The following FRMD4A variants were observed in gnomAD, a reference collection of about 807,000 sequenced individuals.
FRMD4A encodes FERM domain-containing protein 4A.
A neutral mutation model predicts 129.1 loss-of-function variants in FRMD4A; 29 were observed. The observed-to-expected ratio is 0.22, with a 90% CI of 0.17 to 0.31. The LOEUF is 0.31. Ranked by LOEUF, FRMD4A falls within the 10% of genes least tolerant of loss-of-function variation. FRMD4A has a pLI of 1.00. For synonymous variants in FRMD4A, 634 were observed against 571.6 expected (o/e 1.11, Z -1.56); for missense variants, 1,272 against 1,375.8 (o/e 0.92, Z 1.19).
chr10:13,891,657 A>G lies in FRMD4A; in HGVS notation c.46-32745T>C, dbSNP rs111569513. On this transcript the variant is annotated intron_variant, in intron 2 of 24. Transcript: ENST00000357447. Reference sequence around the variant, plus strand: ...TTTTGCGCTTCCAAGGGATCCGAGGAACTTCTGGCTGCAAGCGGCTGGTAC... The same window carrying G: ...TTTTGCGCTTCCAAGGGATCCGAGGGACTTCTGGCTGCAAGCGGCTGGTAC... 5.1e-6 allele frequency: 5 copies of G among 985,218 alleles called. No individual in the cohort carries two copies. The African/African-American group carries it at 8.7e-5, about 17-fold the overall frequency. The allele number at this position is 985,218 out of a possible 1,614,324, so 61.0% of individuals were successfully genotyped here. A position where few individuals can be genotyped will look rare whatever the true frequency, so the allele number is the denominator to read the frequency against.
At chr10:13,920,694 A>C (rs1011883826) in intron 2 of FRMD4A, among the ~76,000 whole-genome samples, 2 of 152,350 alleles carry the variant, frequency 1.3e-5, no homozygotes, top group African/African-American at 4.8e-5. Context: ...CCATGGGAAC[A>C]TTCTTTTTAG....
chr10:13,948,993 C>T (rs140320574), intron 2 of FRMD4A, among the ~76,000 whole-genome samples: 49 of 151,992 alleles, frequency 3.2e-4, no homozygotes, highest in Non-Finnish European at 5.3e-4. Flanking sequence ...TTTATTTGAT[C>T]ATTCAAATAT....
intron 2 of FRMD4A, among the ~76,000 whole-genome samples, chr10:13,957,661 A>T (rs1326322958): frequency 6.6e-6 from 1 of 152,234 alleles, no homozygotes; most frequent in Non-Finnish European, 1.5e-5. Context: ...CTCAAGATTT[A>T]GAATCTAGCT....
chr10:13,996,692 G>T (rs1328121170), intron 2 of FRMD4A, among the ~76,000 whole-genome samples: 6 of 152,202 alleles, frequency 3.9e-5, no homozygotes, highest in Admixed American at 2.6e-4. Context: ...CCTTCCTAGT[G>T]TTGGCACCTG....
At chr10:13,994,175 A>ATTTTTTTTTTTTTTTTTTTTTTTT in intron 2 of FRMD4A, among the ~76,000 whole-genome samples, 1 of 101,974 alleles carries the variant, frequency 9.8e-6, no homozygotes, top group Non-Finnish European at 1.9e-5. Flanking sequence ...CGCCCAGCTA[A>ATTTTTTTTTTTTTTTTTTTTTTTT]TTTTTTTTTT....
chr10:14,034,273 G>T (rs1833395192), intron 2 of FRMD4A, among the ~76,000 whole-genome samples: 1 of 152,116 alleles, frequency 6.6e-6, no homozygotes, highest in Non-Finnish European at 1.5e-5. Flanking sequence ...TCGGTACCCA[G>T]CTGGTTGTCT....
intron 4 of FRMD4A, among the ~76,000 whole-genome samples, chr10:13,796,936 T>C (rs994784541): frequency 2.0e-5 from 3 of 152,142 alleles, no homozygotes; most frequent in African/African-American, 7.2e-5. Context: ...GTCAGGCTGG[T>C]CTCAAACTCC....
chr10:13,790,223 C>T (rs1268757527), intron 5 of FRMD4A, among the ~76,000 whole-genome samples: 1 of 151,950 alleles, frequency 6.6e-6, no homozygotes, highest in Admixed American at 6.6e-5. Flanking sequence ...GGTGATGGTG[C>T]CCATCACAAA....
chr10:14,038,240 A>G (rs4750456), intron 2 of FRMD4A, among the ~76,000 whole-genome samples: 58,471 of 151,814 alleles, frequency 0.39, 13,728 homozygotes, highest in Non-Finnish European at 0.54. Context: ...GGAGAATGGC[A>G]TGAACCCGGG....
intron 2 of FRMD4A, chr10:13,890,774 A>G (rs775088655): frequency 5.1e-6 from 5 of 985,382 alleles, no homozygotes; most frequent in Non-Finnish European, 6.0e-6. Context: ...CTCGTTTCTC[A>G]GCAAGCTGCA....
chr10:13,791,503 T>C (rs1339498791), intron 5 of FRMD4A, among the ~76,000 whole-genome samples: 2 of 151,844 alleles, frequency 1.3e-5, no homozygotes, highest in Non-Finnish European at 2.9e-5. Context: ...AAGGGAGGTG[T>C]GGTCCAGGGT....
intron 2 of FRMD4A, among the ~76,000 whole-genome samples, chr10:13,924,118 T>C (rs1445723510): frequency 6.6e-6 from 1 of 152,210 alleles, no homozygotes; most frequent in African/African-American, 2.4e-5. Context: ...CCCACTTTTA[T>C]ACTATGTGCC....
chr10:13,972,481 T>A, intron 2 of FRMD4A: 1 of 204,116 alleles, frequency 4.9e-6, no homozygotes, highest in Non-Finnish European at 8.6e-6. Context: ...GGATTTCATA[T>A]CAACATCCAA....
chr10:14,230,942 T>A (rs1198946114), intron 2 of FRMD4A, among the ~76,000 whole-genome samples: 1 of 152,234 alleles, frequency 6.6e-6, no homozygotes, highest in African/African-American at 2.4e-5. Context: ...GCTGCATCCA[T>A]GTTGCTGCAA....
chr10:14,310,652 G>T (rs1168101881), intron 2 of FRMD4A, among the ~76,000 whole-genome samples: 2 of 152,178 alleles, frequency 1.3e-5, no homozygotes, highest in East Asian at 3.9e-4. Context: ...CATAATAAAC[G>T]ATTAGGGTGG....
chr10:13,920,560 C>A (rs2095059820), intron 2 of FRMD4A, among the ~76,000 whole-genome samples: 1 of 152,186 alleles, frequency 6.6e-6, no homozygotes, highest in South Asian at 2.1e-4. Flanking sequence ...TGTGTTTTTG[C>A]AACCAAAGTC....
chr10:14,022,223 G>A (rs962385386), intron 2 of FRMD4A, among the ~76,000 whole-genome samples: 13 of 152,266 alleles, frequency 8.5e-5, no homozygotes, highest in East Asian at 1.9e-4. Context: ...AGAAATCCAC[G>A]TGTCTAAGCT....
intron 3 of FRMD4A, among the ~76,000 whole-genome samples, chr10:13,845,916 G>A (rs4750430): frequency 0.3 from 45,888 of 152,124 alleles, 7,050 homozygotes; most frequent in Non-Finnish European, 0.33. Flanking sequence ...TGCTCTCAGC[G>A]TGCTGGAACC....
chr10:14,144,817 G>C (rs1839999067), intron 2 of FRMD4A, among the ~76,000 whole-genome samples: 1 of 152,142 alleles, frequency 6.6e-6, no homozygotes, highest in South Asian at 2.1e-4. Flanking sequence ...TTCTGGGGCA[G>C]GTGATGAAGA....
Sources: allele counts gnomAD v4.1 joint callset (sites outside exome capture counted in the v4.1 genomes callset), GRCh38; gene constraint gnomAD v4.1.1; transcripts MANE v1.5; gene names NCBI Gene and HGNC (gene_info 2026-07-23, HGNC 2026-07-21).